Variants in ANO7 observed in about 807,000 individuals in gnomAD.
The protein encoded by ANO7 is anoctamin-7.
Under a neutral mutation model 115.8 loss-of-function variants are expected in ANO7, and 114 were observed. That is an observed-to-expected ratio of 0.98 (90% confidence interval 0.85 to 1.15). The LOEUF (loss-of-function observed/expected upper bound fraction) is 1.15. Among genes scored for constraint, ANO7 ranks in the 50% most tolerant of loss-of-function variants. The pLI is 0.00. For missense variants in ANO7, 1,302 were observed against 1,201.2 expected, an observed-to-expected ratio of 1.08 and a Z score of -1.24; for synonymous variants, 550 against 498.2, an observed-to-expected ratio of 1.10 and a Z score of -1.38.
chr2:241,214,663 C>A, intron 17 of ANO7, 142 bp from the exon 18 acceptor site: 1 of 672,658 alleles, frequency 1.5e-6, no homozygotes, highest in African/African-American at 1.8e-5. Context: ...ATGGTGGGAG[C>A]ATCTCTGCAA....
chr2:241,232,795 C>T, the ANO7 span, among the ~76,000 whole-genome samples: 1 of 151,920 alleles, frequency 6.6e-6, no homozygotes, highest in African/African-American at 2.4e-5. Context: ...CCTGGGGCAA[C>T]AAGACAAAGA....
intron 19 of ANO7, 78 bp downstream of exon 19, chr2:241,216,316 C>G: frequency 6.9e-7 from 1 of 1,452,152 alleles, no homozygotes; most frequent in Non-Finnish European, 9.1e-7. Flanking sequence ...AAGGGCCTCC[C>G]AGCCTGACAT....
In ANO7 at chr2:241,225,171, T is replaced by C. The variant is rs1306444326; in HGVS notation, c.*1018T>C. 1 of 152,198 alleles carries C rather than the reference T, an allele frequency of 6.6e-6. No homozygotes were observed. The highest frequency in any genetic ancestry group is 2.4e-5 in the African/African-American group (1 of 41,446). The allele number at this position is 152,198 out of a possible 1,614,324, so 9.4% of individuals were successfully genotyped here. A position where few individuals can be genotyped will look rare whatever the true frequency, so the allele number is the denominator to read the frequency against. ...CCGTCTGCTTGCTAAAAAATGGATC[T>C]GTGCTCATCTGTATTGATGTCCTTG... On this transcript the variant is annotated 3_prime_UTR_variant, in exon 25 of 25. Coordinates refer to ENST00000674324, the MANE Select transcript of ANO7 (RefSeq NM_001370694.2).
In ANO7 at chr2:241,210,291, GCAGGTGGCCGTGGTGGT is replaced by G. The variant is rs1559450299; in HGVS notation, c.1360-1_1375del. On this transcript the variant is annotated splice_acceptor_variant and splice_polypyrimidine_tract_variant and coding_sequence_variant and intron_variant, in exon 14 of 25. Transcript: ENST00000674324. LOFTEE classifies it high-confidence loss of function. ...GGGTCTCACGGGCCTCCCTGCCCCC[GCAGGTGGCCGTGGTGGT>G]CATGTGCCTCGTGTCTATCATCCTG... 1.9e-6 allele frequency: 3 copies of G among 1,613,578 alleles called. No individual in the cohort carries two copies. The highest frequency in any genetic ancestry group is 2.5e-6 in the Non-Finnish European group (3 of 1,179,884).
rs1045827335 is a variant in ANO7, at chr2:241,209,071, C to T, written c.1078-214C>T. ...GGCTGAGGCAGGAGAATGGCGTGAA[C>T]CCGGGAGGCGAAGCGTGCAGTGAGC... On this transcript the variant is annotated intron_variant, in intron 11 of 24. Transcript: ENST00000674324. 3.3e-5 allele frequency among the ~76,000 whole-genome samples: 5 copies of T among 152,218 alleles called. No individual in the cohort carries two copies. In the South Asian group the frequency reaches 1.0e-3, roughly 32 times the overall value.
chr2:241,233,795 G>A, the ANO7 span: 11 of 1,613,518 alleles, frequency 6.8e-6, no homozygotes, highest in South Asian at 1.1e-5. The surrounding 1 kb of genome is among the most constrained non-coding windows in gnomAD (Gnocchi z 4.3). Flanking sequence ...CTCTGCCCCC[G>A]ACACGCTCCA....
rs368164427 is a variant in ANO7, at chr2:241,223,677, G to C, written c.2428G>C (p.Val810Leu). Reference protein sequence around the residue: ...VIVFEHVVFSVGRLLDLLVPD... With the variant: ...VIVFEHVVFSLGRLLDLLVPD... ...CTGCTCCCAGCATGTGGTTTTCTCCGTTGGCCGCCTCCTGGACCTCCTGGT... is the reference window on the plus strand; with the variant it reads ...CTGCTCCCAGCATGTGGTTTTCTCCCTTGGCCGCCTCCTGGACCTCCTGGT... Residue 810 changes from valine (V) to leucine (L), a missense_variant, in exon 23 of 25, where the codon GTT becomes CTT. Coordinates refer to ENST00000674324, the MANE Select transcript of ANO7 (RefSeq NM_001370694.2). 1.2e-6 allele frequency: 2 copies of C among 1,613,058 alleles called. No homozygotes were observed. Among genetic ancestry groups the C allele is most frequent in the Non-Finnish European group, 1.7e-6 (2 of 1,179,516 alleles).
chr2:241,202,454 G>A (rs1372728318), intron 8 of ANO7, 150 bp downstream of exon 8: 13 of 667,412 alleles, frequency 1.9e-5, no homozygotes, highest in East Asian at 2.7e-5. Context: ...CACATGCGGC[G>A]ATGTGATCAG....
Position 241,202,276 on chromosome 2 carries a change from T to C in ANO7, c.695T>C (p.Val232Ala), listed in dbSNP as rs1319056455. 2 of 1,613,376 alleles carry C rather than the reference T, an allele frequency of 1.2e-6. No homozygotes were observed. The highest frequency in any genetic ancestry group is 3.3e-5 in the Admixed American group (2 of 60,022). ...ATCCACCAGCTGCTGGCAGAGGGTG[T>C]CCTCAGTGCCGCCTTCCCCCTGCAT... The part of the protein sequence containing the change: ...LGIHQLLAEG[V>A]LSAAFPLHDG... Residue 232 changes from valine to alanine, a missense_variant, in exon 8 of 25, where the codon GTC becomes GCC. Physicochemically the swap from Val to Ala is moderately conservative, Grantham distance 64. Coordinates refer to ENST00000674324, the MANE Select transcript of ANO7 (RefSeq NM_001370694.2).
At chr2:241,210,619 G>A (rs1217806305) in intron 15 of ANO7, 49 bp downstream of exon 15, 57 of 1,509,048 alleles carry the variant, frequency 3.8e-5, no homozygotes, top group Middle Eastern at 1.7e-4. Context: ...CCACCCTGCC[G>A]GCCGCCAGCC....
the ANO7 span, among the ~76,000 whole-genome samples, chr2:241,233,343 G>T: frequency 1.3e-5 from 2 of 152,176 alleles, no homozygotes; most frequent in African/African-American, 4.8e-5. The surrounding 1 kb of genome is among the most constrained non-coding windows in gnomAD (Gnocchi z 4.3). Flanking sequence ...AGTGGCAGGG[G>T]GGTGGCACTG....
At chr2:241,236,779 A>C in the ANO7 span, 1 of 1,613,174 alleles carries the variant, frequency 6.2e-7, no homozygotes, top group Non-Finnish European at 8.5e-7. Flanking sequence ...ACTAGAGAGA[A>C]AGGGGAAAAG....
downstream of ANO7, chr2:241,229,440 C>T (rs1449337262): frequency 5.1e-6 from 3 of 593,658 alleles, no homozygotes; most frequent in African/African-American, 5.6e-5. Flanking sequence ...GGAGGAGCGG[C>T]CGCACACACA....
chr2:241,230,825 G>A, downstream of ANO7: 1 of 1,614,212 alleles, frequency 6.2e-7, no homozygotes, highest in African/African-American at 1.3e-5. This position sits in a 1 kb window ranked among gnomAD's most constrained non-coding sequence, Gnocchi z 5.0. Flanking sequence ...CGTGAACGCG[G>A]TGGTCCAGCG....
intron 18 of ANO7, 21 bp downstream of exon 18, chr2:241,214,923 T>C (rs1233739221): frequency 6.2e-7 from 1 of 1,606,276 alleles, no homozygotes; most frequent in Middle Eastern, 1.7e-4. Context: ...CACTCCTCCC[T>C]GGGTGGCATC....
chr2:241,199,262 G>A, intron 4 of ANO7, 54 bp from the exon 5 acceptor site: 1 of 1,454,604 alleles, frequency 6.9e-7, no homozygotes, highest in Non-Finnish European at 9.7e-7. Flanking sequence ...ACACACATGT[G>A]CATACGTGCA....
the ANO7 span, chr2:241,235,537 T>C: frequency 4.3e-6 from 7 of 1,614,082 alleles, no homozygotes; most frequent in Non-Finnish European, 5.9e-6. Context: ...TTCTGCCCAA[T>C]AACGTAACGG....
chr2:241,236,460 A>C, the ANO7 span: 3 of 739,446 alleles, frequency 4.1e-6, no homozygotes, highest in South Asian at 3.5e-5. Context: ...TCCAGCCGAG[A>C]AGCACAGCCC....
At chr2:241,235,128 T>C in the ANO7 span, 1 of 1,613,178 alleles carries the variant, frequency 6.2e-7, no homozygotes, top group South Asian at 1.1e-5. Context: ...CACCCGGTCC[T>C]CCTGCTCGGC....
Sources: gnomAD v4.1 joint callset for allele counts (sites outside exome capture counted in the v4.1 genomes callset) on GRCh38, gnomAD v4.1.1 for gene constraint, Gnocchi (gnomAD v3.1) non-coding constraint, MANE v1.5 for transcripts, NCBI Gene and HGNC (gene_info 2026-07-23, HGNC 2026-07-21) for gene names.